The following ATP10B variants were observed in gnomAD, a reference collection of about 807,000 sequenced individuals.
ATP10B encodes phospholipid-transporting ATPase VB.
In ATP10B, 122 loss-of-function variants were observed where a neutral mutation model predicts 141.2. The observed-to-expected ratio is 0.86, with a 90% confidence interval of 0.75 to 1.00. The LOEUF (loss-of-function observed/expected upper bound fraction) is 1.00, where lower values mean the gene tolerates loss of function less well. Ranked by LOEUF, ATP10B falls within the 50% of genes least tolerant of loss-of-function variation. ATP10B has a pLI of 0.00. For synonymous variants in ATP10B, 685 were observed against 692.0 expected (o/e 0.99, Z 0.16); for missense variants, 1,876 against 1,825.3 (o/e 1.03, Z -0.51).
chr5:160,634,065 A>AT, intron 12 of ATP10B: 1 of 481,450 alleles, frequency 2.1e-6, no homozygotes, highest in Non-Finnish European at 3.8e-6. Flanking sequence ...TTGCTGACAG[A>AT]TAAAAAACTC....
rs187846606 is a variant in ATP10B, at chr5:160,737,055, C to T, written c.-330-20021G>A. ...TCAACAATACATTAAAAAGATAATA[C>T]ATCATGACCAAGTGGGATTTATCCC... On this transcript the variant is annotated intron_variant, in intron 2 of 25. Coordinates refer to ENST00000327245, the MANE Select transcript of ATP10B (RefSeq NM_025153.3). Among the ~76,000 whole-genome samples, 102 of 152,236 alleles carry T rather than the reference C, an allele frequency of 6.7e-4. 1 individual carries two copies. The highest frequency in any genetic ancestry group is 2.3e-3 in the African/African-American group (96 of 41,546).
intron 15 of ATP10B, among the ~76,000 whole-genome samples, chr5:160,619,556 C>G (rs567023240): frequency 6.6e-6 from 1 of 152,286 alleles, no homozygotes; most frequent in Admixed American, 6.5e-5. Flanking sequence ...AACCTCTTGG[C>G]CCTGATCCAT....
chr5:160,806,593 G>C (rs543544588), intron 1 of ATP10B, among the ~76,000 whole-genome samples: 6 of 152,326 alleles, frequency 3.9e-5, no homozygotes, highest in South Asian at 4.1e-4. Flanking sequence ...TCTAAGGAAG[G>C]GGGGGATAAT....
the ATP10B span, among the ~76,000 whole-genome samples, chr5:160,882,378 T>G: frequency 2.0e-5 from 3 of 152,188 alleles, no homozygotes; most frequent in Non-Finnish European, 4.4e-5. Context: ...AGGAAGTCTC[T>G]GCATCTTCCT....
chr5:160,638,135 G>A (rs1759554357), intron 10 of ATP10B, among the ~76,000 whole-genome samples: 1 of 152,148 alleles, frequency 6.6e-6, no homozygotes, highest in Non-Finnish European at 1.5e-5. Flanking sequence ...CTGTGGAATG[G>A]TGCTCATTTG....
chr5:160,908,089 G>A, the ATP10B span, among the ~76,000 whole-genome samples: 2 of 152,172 alleles, frequency 1.3e-5, no homozygotes, highest in Non-Finnish European at 2.9e-5. Context: ...GTGTGTTAGA[G>A]TTAAGTATCC....
rs149659285 is a variant in ATP10B at position 160,640,130 on chromosome 5, T to C, written c.1000+331A>G. Among the ~76,000 whole-genome samples the C allele has an allele frequency of 5.9e-5, 9 of 152,352 alleles. No individual in the cohort carries two copies. In the East Asian group the frequency reaches 1.7e-3, roughly 29 times the overall value. On this transcript the variant is annotated intron_variant, in intron 10 of 25. Coordinates refer to ENST00000327245, the MANE Select transcript of ATP10B (RefSeq NM_025153.3). ...GAGCTGTAACAGAATAAATTTGTGT[T>C]GTTCTAAATGACTGTGTGTTCATGT...
intron 18 of ATP10B, among the ~76,000 whole-genome samples, chr5:160,608,471 T>C (rs922701288): frequency 1.3e-5 from 2 of 152,184 alleles, no homozygotes; most frequent in Non-Finnish European, 2.9e-5. Flanking sequence ...GGTCAAATGG[T>C]ATTTCTAGTT....
chr5:160,757,112 TTTTG>T (rs1182279950), intron 2 of ATP10B, among the ~76,000 whole-genome samples: 2 of 152,242 alleles, frequency 1.3e-5, no homozygotes, highest in African/African-American at 4.8e-5. Context: ...TTGATTTAAT[TTTTG>T]TTTATGGTAT....
At chr5:160,659,266 C>A (rs541120627) in intron 7 of ATP10B, among the ~76,000 whole-genome samples, 18 of 152,162 alleles carry the variant, frequency 1.2e-4, no homozygotes, top group African/African-American at 4.3e-4. Flanking sequence ...GAGTTTGAGA[C>A]CAGCCTGGCC....
At chr5:160,573,753 C>A (rs541706445) in intron 24 of ATP10B, among the ~76,000 whole-genome samples, 2 of 152,184 alleles carry the variant, frequency 1.3e-5, no homozygotes, top group South Asian at 2.1e-4. Context: ...CTTCTGTGGT[C>A]CCTGGTGCCA....
chr5:160,632,468 G>A, intron 12 of ATP10B, 101 bp from the exon 13 acceptor site: 9 of 1,083,526 alleles, frequency 8.3e-6, no homozygotes, highest in East Asian at 4.7e-5. Context: ...GCATGGGAAG[G>A]GCCTATGCTA....
intron 7 of ATP10B, among the ~76,000 whole-genome samples, chr5:160,663,223 C>T (rs1276218619): frequency 1.3e-5 from 2 of 152,172 alleles, no homozygotes; most frequent in African/African-American, 4.8e-5. Context: ...TTGTGGAAGT[C>T]AGTGTGGCAA....
intron 2 of ATP10B, among the ~76,000 whole-genome samples, chr5:160,739,386 T>C (rs1259674385): frequency 1.3e-5 from 2 of 152,178 alleles, no homozygotes; most frequent in African/African-American, 4.8e-5. Flanking sequence ...GAGGTAAAAT[T>C]ATCTTTACTT....
intron 21 of ATP10B, 71 bp downstream of exon 21, chr5:160,602,506 C>G: frequency 1.2e-6 from 2 of 1,603,524 alleles, no homozygotes; most frequent in Non-Finnish European, 1.7e-6. Context: ...TTGCCCACTG[C>G]TAGGGAGAGA....
rs775863902 is a variant in ATP10B at position 160,598,758 on chromosome 5, C to G, written c.3564+12G>C. ...CTGAAGTCACCTCCCTTTGGCTGCC[C>G]GATCTCCTTACCTCAGAGTTCTGGC... On this transcript the variant is annotated intron_variant, in intron 22 of 25. Transcript: ENST00000327245. 1.2e-6 allele frequency: 2 copies of G among 1,613,280 alleles called. No individual in the cohort carries two copies. The highest frequency in any genetic ancestry group is 2.2e-5 in the South Asian group (2 of 90,940).
At chr5:160,656,799 A>G (rs113948716) in intron 7 of ATP10B, among the ~76,000 whole-genome samples, 28 of 152,326 alleles carry the variant, frequency 1.8e-4, no homozygotes, top group African/African-American at 6.5e-4. Flanking sequence ...ATTAGGAAAT[A>G]TCATTCACGA....
rs150012142 is a variant in ATP10B, at chr5:160,615,898, T to C, written c.2593A>G (p.Asn865Asp). 2,189 of 1,613,960 alleles carry C rather than the reference T, an allele frequency of 1.4e-3. 2 individuals carry two copies. Among genetic ancestry groups the C allele is most frequent in the Non-Finnish European group, 1.7e-3 (2,011 of 1,179,888 alleles). ...GTTTCCATGAGAAGCTCATCTCGGT[T>C]GTCGAGGGATGCCTCAGCCTCACGC... ...FRREAEASLD[N>D]RDELLMETAQ... Residue 865 changes from asparagine (N) to aspartate (D), a missense_variant, in exon 17 of 26, where the codon AAC becomes GAC. Coordinates refer to ENST00000327245, the MANE Select transcript of ATP10B (RefSeq NM_025153.3).
chr5:160,814,153 GAGA>G (rs758136088), intron 1 of ATP10B, among the ~76,000 whole-genome samples: 3 of 152,168 alleles, frequency 2.0e-5, no homozygotes, highest in Non-Finnish European at 4.4e-5. Flanking sequence ...GACAAGTTGA[GAGA>G]AGAAGTCTTC....
Sources: allele counts gnomAD v4.1 joint callset (sites outside exome capture counted in the v4.1 genomes callset), GRCh38; gene constraint gnomAD v4.1.1; transcripts MANE v1.5; gene names NCBI Gene and HGNC (gene_info 2026-07-23, HGNC 2026-07-21).